KCNH7: variants seen among roughly 807,000 people sequenced by gnomAD.
KCNH7 encodes the protein voltage-gated inwardly rectifying potassium channel KCNH7.
Under a neutral mutation model 120.8 loss-of-function variants are expected in KCNH7, and 49 were observed. The ratio of observed to expected loss-of-function variants is 0.41; its 90% CI spans 0.32 to 0.51. KCNH7 has a LOEUF of 0.51. KCNH7 is among the 20% of genes least tolerant of loss of function. The probability of loss-of-function intolerance (pLI) is 0.38; values close to 1 mark genes in which losing one functional copy is unlikely to be tolerated. For synonymous variants in KCNH7, 547 were observed against 516.1 expected (o/e 1.06, Z -0.81); for missense variants, 1,097 against 1,446.6 (o/e 0.76, Z 3.92).
intron 15 of KCNH7, 138 bp from the exon 16 acceptor site, chr2:162,372,233 C>T: frequency 1.4e-6 from 1 of 700,920 alleles, no homozygotes; most frequent in Non-Finnish European, 2.3e-6. Context: ...ACATTTCCCT[C>T]CTAAAATGAG....
At chr2:162,385,304 A>G (rs967598257) in intron 12 of KCNH7, among the ~76,000 whole-genome samples, 10 of 151,858 alleles carry the variant, frequency 6.6e-5, no homozygotes, top group African/African-American at 2.4e-4. Context: ...AAATATCACC[A>G]CTATGCAACT....
chr2:162,698,817 C>T lies in KCNH7; in HGVS notation c.307+137720G>A, dbSNP rs567204400. 2.6e-5 allele frequency among the ~76,000 whole-genome samples: 4 copies of T among 152,074 alleles called. No homozygotes were observed. The South Asian group carries it at 8.3e-4, about 32-fold the overall frequency. On this transcript the variant is annotated intron_variant, in intron 2 of 15. Coordinates refer to ENST00000332142, the MANE Select transcript of KCNH7 (RefSeq NM_033272.4). Reference sequence around the variant, plus strand: ...ATATTTAGTGCATTTAAAATACCCCCTATGTTATAATTACTCTCATTTACC... The same window carrying T: ...ATATTTAGTGCATTTAAAATACCCCTTATGTTATAATTACTCTCATTTACC...
At chr2:162,381,830 G>C (rs1478148521) in intron 13 of KCNH7, among the ~76,000 whole-genome samples, 7 of 152,090 alleles carry the variant, frequency 4.6e-5, no homozygotes, top group Admixed American at 2.0e-4. Context: ...TCACTGAGAA[G>C]TATGATTTGT....
At chr2:162,838,214 AGAG>A (rs1685728515) in intron 1 of KCNH7, among the ~76,000 whole-genome samples, 1 of 152,246 alleles carries the variant, frequency 6.6e-6, no homozygotes. Flanking sequence ...GAGCAGTGGT[AGAG>A]GAGGATCAAA....
At chr2:162,774,190 T>C (rs191691946) in intron 2 of KCNH7, among the ~76,000 whole-genome samples, 9 of 152,242 alleles carry the variant, frequency 5.9e-5, no homozygotes, top group Non-Finnish European at 8.8e-5. Context: ...TATTATAAAT[T>C]ATTATTTAAA....
At chr2:162,567,474 G>T (rs1385955816) in intron 2 of KCNH7, among the ~76,000 whole-genome samples, 1 of 151,880 alleles carries the variant, frequency 6.6e-6, no homozygotes, top group South Asian at 2.1e-4. Context: ...TGCTTCATGG[G>T]TGGCAAGTCA....
At chr2:162,579,544 G>A (rs1295545477) in intron 2 of KCNH7, among the ~76,000 whole-genome samples, 1 of 152,000 alleles carries the variant, frequency 6.6e-6, no homozygotes, top group African/African-American at 2.4e-5. Context: ...TTTGACATAC[G>A]GGTTTCAGGA....
chr2:162,459,046 T>TAATAATAAC (rs1421402987), intron 6 of KCNH7, among the ~76,000 whole-genome samples: 1 of 145,296 alleles, frequency 6.9e-6, no homozygotes, highest in Non-Finnish European at 1.5e-5. Flanking sequence ...ATAATAATAA[T>TAATAATAAC]ATAAAGGAGG....
intron 2 of KCNH7, among the ~76,000 whole-genome samples, chr2:162,773,498 AAC>A (rs1683134032): frequency 2.0e-5 from 3 of 152,306 alleles, no homozygotes; most frequent in African/African-American, 7.2e-5. Context: ...AAAAAAACAA[AAC>A]ACAGAAAACT....
chr2:162,656,284 C>G (rs1044020050), intron 2 of KCNH7, among the ~76,000 whole-genome samples: 3 of 152,134 alleles, frequency 2.0e-5, no homozygotes, highest in African/African-American at 7.2e-5. Context: ...GTCTTCTAAA[C>G]ATTCTATAAA....
At chr2:162,386,706 C>G (rs539870807) in intron 12 of KCNH7, among the ~76,000 whole-genome samples, 15 of 151,934 alleles carry the variant, frequency 9.9e-5, no homozygotes, top group African/African-American at 3.4e-4. Context: ...CTGGATAATG[C>G]TAACATGGAT....
At chr2:162,808,974 G>A (rs1684641168) in intron 2 of KCNH7, among the ~76,000 whole-genome samples, 1 of 152,108 alleles carries the variant, frequency 6.6e-6, no homozygotes, top group Non-Finnish European at 1.5e-5. Context: ...GGTGAAGACT[G>A]TTCCATACCC....
intron 6 of KCNH7, among the ~76,000 whole-genome samples, chr2:162,486,296 T>A (rs1419863337): frequency 6.6e-6 from 1 of 152,172 alleles, no homozygotes; most frequent in African/African-American, 2.4e-5. Flanking sequence ...TTCTTTGGAC[T>A]ATAAATGTGG....
intron 2 of KCNH7, among the ~76,000 whole-genome samples, chr2:162,667,758 C>A (rs184681194): frequency 6.6e-6 from 1 of 152,228 alleles, no homozygotes; most frequent in African/African-American, 2.4e-5. Flanking sequence ...GCTTTATTTG[C>A]TTTATGGCAC....
chr2:162,609,476 C>T (rs536200793), intron 2 of KCNH7, among the ~76,000 whole-genome samples: 8 of 152,050 alleles, frequency 5.3e-5, no homozygotes, highest in Non-Finnish European at 1.0e-4. Context: ...TTTTCCCTTG[C>T]GTTGTTGTCC....
Position 162,518,083 on chromosome 2 carries a change from G to A in KCNH7, c.539C>T (p.Pro180Leu), listed in dbSNP as rs1691378098. The change falls in exon 4 of 16, where the codon CCC becomes CTC. Residue 180 changes from proline to leucine, a missense_variant. Physicochemically the swap from Pro to Leu is moderately conservative, Grantham distance 98 (BLOSUM62 -3). Around this residue, in one of 8 missense-constraint regions of KCNH7, gnomAD observed 362 missense variants for 372.2 expected, o/e 0.97. Coordinates refer to ENST00000332142, the MANE Select transcript of KCNH7 (RefSeq NM_033272.4). ...AGATGAATCGATGACCACCACATCG[G>A]GGTCTTCTTGTGGTAAGGACTGCTT... Reference protein sequence around the residue: ...YRKQSLPQEDPDVVVIDSSKH... With the variant: ...YRKQSLPQEDLDVVVIDSSKH... 6.2e-7 allele frequency: 1 copy of A among 1,611,916 alleles called. No individual in the cohort carries two copies. Among genetic ancestry groups the A allele is most frequent in the Admixed American group, 1.7e-5 (1 of 59,900 alleles).
intron 9 of KCNH7, among the ~76,000 whole-genome samples, chr2:162,406,679 A>G (rs1048858709): frequency 6.6e-6 from 1 of 152,056 alleles, no homozygotes; most frequent in Non-Finnish European, 1.5e-5. Context: ...GTCCTAGCAT[A>G]CAGCTTTAAT....
intron 2 of KCNH7, among the ~76,000 whole-genome samples, chr2:162,589,792 G>A (rs1268405377): frequency 6.6e-6 from 1 of 152,048 alleles, no homozygotes; most frequent in Non-Finnish European, 1.5e-5. Context: ...TACTTGGGTG[G>A]CTTCTAATAC....
At chr2:162,398,774 C>T (rs771903584) in intron 10 of KCNH7, among the ~76,000 whole-genome samples, 3 of 151,896 alleles carry the variant, frequency 2.0e-5, no homozygotes, top group Non-Finnish European at 4.4e-5. Flanking sequence ...CATCCTCCTT[C>T]CCTGGCAACA....
Sources: gnomAD v4.1 joint callset for allele counts (sites outside exome capture counted in the v4.1 genomes callset) on GRCh38, gnomAD v4.1.1 for gene constraint, gnomAD v4.1.1 regional missense constraint, MANE v1.5 for transcripts, NCBI Gene and HGNC (gene_info 2026-07-23, HGNC 2026-07-21) for gene names.